RFFL: variants seen among roughly 807,000 people sequenced by gnomAD.
RFFL encodes the protein E3 ubiquitin-protein ligase rififylin.
In RFFL, 16 loss-of-function variants were observed where a neutral mutation model predicts 40.4. That is an observed-to-expected ratio of 0.40 (90% CI 0.27 to 0.60). The LOEUF is 0.60. Among genes scored for constraint, RFFL ranks in the 20% least tolerant of loss-of-function variants. RFFL has a pLI of 0.47. For missense variants in RFFL, 367 were observed against 451.7 expected, an observed-to-expected ratio of 0.81 and a Z score of 1.70; for synonymous variants, 154 against 167.9, an observed-to-expected ratio of 0.92 and a Z score of 0.64.
chr17:35,069,831 T>C (rs1170616633), intron 1 of RFFL, among the ~76,000 whole-genome samples: 5 of 151,978 alleles, frequency 3.3e-5, no homozygotes, highest in Non-Finnish European at 7.4e-5. Flanking sequence ...CTTTCAAAGG[T>C]ACCTCTCTCA....
At chr17:35,013,502 A>G (rs754244531) in intron 6 of RFFL, among the ~76,000 whole-genome samples, 17 of 152,218 alleles carry the variant, frequency 1.1e-4, no homozygotes, top group Non-Finnish European at 2.4e-4. Flanking sequence ...CACCTCTACC[A>G]TCTGGGGGTT....
chr17:35,033,291 G>C (rs1390321998), intron 1 of RFFL, among the ~76,000 whole-genome samples: 1 of 152,016 alleles, frequency 6.6e-6, no homozygotes, highest in Non-Finnish European at 1.5e-5. Context: ...CACTTTGGGA[G>C]GCCGAGGTGG....
At chr17:35,020,890 T>A (rs2091004455) in intron 3 of RFFL, among the ~76,000 whole-genome samples, 1 of 152,172 alleles carries the variant, frequency 6.6e-6, no homozygotes, top group Non-Finnish European at 1.5e-5. Context: ...CAGTGACTGG[T>A]AAGAGAAGCA....
chr17:35,021,828 A>G (rs1237912748), intron 2 of RFFL, 47 bp from the exon 3 acceptor site: 3 of 1,599,290 alleles, frequency 1.9e-6, no homozygotes, highest in South Asian at 2.2e-5. Context: ...TTGAGAGAAC[A>G]AGACAGAGAG....
intron 6 of RFFL, 141 bp downstream of exon 6, chr17:35,014,599 T>G (rs2090961766): frequency 1.3e-6 from 1 of 774,686 alleles, no homozygotes; most frequent in South Asian, 1.5e-5. Flanking sequence ...AGAGGCCCCC[T>G]GGGTCTCAGT....
At chr17:35,045,405 T>G (rs1232106129) in intron 1 of RFFL, among the ~76,000 whole-genome samples, 1 of 151,956 alleles carries the variant, frequency 6.6e-6, no homozygotes, top group Non-Finnish European at 1.5e-5. Context: ...GCTAATTTTT[T>G]GTATTTTTAG....
chr17:35,058,096 T>C (rs2091270719), intron 1 of RFFL, among the ~76,000 whole-genome samples: 1 of 151,962 alleles, frequency 6.6e-6, no homozygotes. Context: ...TGAAATATAA[T>C]TTACACTAGG....
At chr17:35,082,010 T>C (rs896145975) in intron 1 of RFFL, among the ~76,000 whole-genome samples, 7 of 152,178 alleles carry the variant, frequency 4.6e-5, no homozygotes, top group Non-Finnish European at 5.9e-5. Flanking sequence ...TAATTCAATA[T>C]AGAAAATAAA....
At chr17:35,035,386 G>A (rs937832109) in intron 1 of RFFL, among the ~76,000 whole-genome samples, 8 of 150,228 alleles carry the variant, frequency 5.3e-5, no homozygotes, top group African/African-American at 2.0e-4. Context: ...TCCAGCCTGG[G>A]CAACAGAGCG....
At chr17:35,079,156 G>A (rs1038644957) in intron 1 of RFFL, among the ~76,000 whole-genome samples, 8 of 152,036 alleles carry the variant, frequency 5.3e-5, no homozygotes, top group African/African-American at 1.9e-4. Flanking sequence ...TTGTGTTCCT[G>A]GGATTACAGG....
Position 35,021,593 on chromosome 17 carries a change from G to C in RFFL, c.369C>G (p.Cys123Trp), listed in dbSNP as rs773876051. 1 of 1,614,172 alleles carries C rather than the reference G, an allele frequency of 6.2e-7. No homozygotes were observed. Among genetic ancestry groups the C allele is most frequent in the South Asian group, 1.1e-5 (1 of 91,084 alleles). The change falls in exon 3 of 7, where the codon TGC becomes TGG. Residue 123 changes from cysteine (C) to tryptophan (W), a missense_variant. Transcript: ENST00000394597. ...AGAGCACCAGCTCTTCTTTCTCCCG[G>C]CACATTTCGGTAGAGATGTCATGGA... is the stretch of plus-strand genomic sequence containing the variant. ...LSLHDISTEMCREKEELVLLV... is the reference protein window; with the variant it reads ...LSLHDISTEMWREKEELVLLV...
At chr17:35,041,896 T>C (rs901499178) in intron 1 of RFFL, among the ~76,000 whole-genome samples, 1 of 152,010 alleles carries the variant, frequency 6.6e-6, no homozygotes, top group Admixed American at 6.6e-5. Context: ...ATGCCTGTAG[T>C]CCCAGCTACT....
chr17:35,083,242 A>G (rs2091411044), intron 1 of RFFL, among the ~76,000 whole-genome samples: 1 of 152,188 alleles, frequency 6.6e-6, no homozygotes, highest in African/African-American at 2.4e-5. Flanking sequence ...TTGTCCACTC[A>G]TGAGATAAAC....
chr17:35,077,118 TTAAA>T (rs1230588699), intron 1 of RFFL: 1 of 151,144 alleles, frequency 6.6e-6, no homozygotes, highest in African/African-American at 2.4e-5. Context: ...TTTATAATAA[TTAAA>T]TAAATTAACT....
chr17:35,050,790 T>C (rs2091227625), intron 1 of RFFL, among the ~76,000 whole-genome samples: 1 of 152,166 alleles, frequency 6.6e-6, no homozygotes, highest in South Asian at 2.1e-4. Context: ...CTGACCAACA[T>C]GTAGAAACCC....
At chr17:35,030,510 C>T (rs1350506503) in intron 1 of RFFL, among the ~76,000 whole-genome samples, 4 of 151,986 alleles carry the variant, frequency 2.6e-5, no homozygotes, top group Non-Finnish European at 5.9e-5. Context: ...ACCATGTTAG[C>T]CAGGATGGGC....
In RFFL at chr17:35,012,121, C is replaced by G; in HGVS notation, c.939G>C (p.Glu313Asp). ...NGGAVPSGLE[E>D]NLCKICMDSP... ...AGTCCATGCAGATCTTACACAGGTT[C>G]TCCTCCAAGCCTGATGGTACTGCTC... The change falls in exon 7 of 7, where the codon GAG (glutamate) becomes GAC (aspartate). Residue 313 changes from glutamate to aspartate, a missense_variant. Physicochemically the swap from Glu to Asp is conservative, Grantham distance 45. Coordinates refer to ENST00000394597, the MANE Select transcript of RFFL (RefSeq NM_001017368.2). The G allele has an allele frequency of 3.1e-6, 5 of 1,614,114 alleles. No homozygotes were observed. The highest frequency in any genetic ancestry group is 4.2e-6 in the Non-Finnish European group (5 of 1,179,998).
chr17:35,049,795 G>A (rs1481594715), intron 1 of RFFL, among the ~76,000 whole-genome samples: 1 of 152,148 alleles, frequency 6.6e-6, no homozygotes, highest in Non-Finnish European at 1.5e-5. Context: ...TTATTTAAAA[G>A]AATGGGCCAG....
chr17:35,079,173 C>A (rs533489310), intron 1 of RFFL, among the ~76,000 whole-genome samples: 1 of 152,256 alleles, frequency 6.6e-6, no homozygotes, highest in East Asian at 1.9e-4. Flanking sequence ...CAGGCACGCA[C>A]CACCATGCCT....
Sources: gnomAD v4.1 joint callset for allele counts (sites outside exome capture counted in the v4.1 genomes callset) on GRCh38, gnomAD v4.1.1 for gene constraint, MANE v1.5 for transcripts, NCBI Gene and HGNC (gene_info 2026-07-23, HGNC 2026-07-21) for gene names.